The following SMCHD1 variants were observed in gnomAD, a reference collection of about 807,000 sequenced individuals.
The protein encoded by SMCHD1 is structural maintenance of chromosomes flexible hinge domain containing 1, also known as structural maintenance of chromosomes flexible hinge domain-containing protein 1.
SMCHD1 carries 78 observed loss-of-function variants against 254.7 expected under a neutral mutation model. The observed-to-expected ratio is 0.31, with a 90% confidence interval of 0.26 to 0.37. SMCHD1 has a LOEUF of 0.37. Ranked by LOEUF, SMCHD1 falls within the 10% of genes least tolerant of loss-of-function variation. SMCHD1 has a pLI of 1.00. For synonymous variants in SMCHD1, 766 were observed against 794.9 expected (o/e 0.96, Z 0.61); for missense variants, 1,840 against 2,408.1 (o/e 0.76, Z 4.94).
chr18:2,744,200 A>C (rs2075405307), intron 29 of SMCHD1, among the ~76,000 whole-genome samples: 2 of 152,192 alleles, frequency 1.3e-5, no homozygotes, highest in African/African-American at 4.8e-5. Flanking sequence ...TAAAAATAAA[A>C]AGAATAGTGT....
intron 35 of SMCHD1, among the ~76,000 whole-genome samples, chr18:2,761,036 A>T (rs938166630): frequency 6.6e-6 from 1 of 152,206 alleles, no homozygotes; most frequent in African/African-American, 2.4e-5. Flanking sequence ...AAAGTTGCTT[A>T]TATCAACCAT....
chr18:2,725,027 G>T (rs1200578960), intron 21 of SMCHD1, 32 bp downstream of exon 21: 6 of 1,218,350 alleles, frequency 4.9e-6, no homozygotes, highest in Non-Finnish European at 6.8e-6. Context: ...TATGATACTT[G>T]TTAAGTATTT....
Position 2,762,208 on chromosome 18 carries a change from T to TG in SMCHD1, c.4540dup (p.Val1514GlyfsTer7), listed in dbSNP as rs770920110. 4 of 1,611,880 alleles carry TG rather than the reference T, an allele frequency of 2.5e-6. No individual in the cohort carries two copies. The stretch of plus-strand genomic sequence containing the variant: ...GTTCGCTCAGTTGCCAGTAGGACCT[T>TG]GGTCAGAGATCTACATCTTAGTATC... On this transcript the variant is annotated frameshift_variant, in exon 36 of 48. Coordinates refer to ENST00000320876, the MANE Select transcript of SMCHD1 (RefSeq NM_015295.3). LOFTEE classifies it high-confidence loss of function.
rs2143748168 is a variant in SMCHD1, at chr18:2,771,610, A to G, written c.5044A>G (p.Thr1682Ala). The change falls in exon 40 of 48, where the codon ACA (threonine) becomes GCA (alanine). Residue 1682 changes from threonine (T) to alanine (A), a missense_variant. Around this residue, in one of 9 missense-constraint regions of SMCHD1, gnomAD observed 881 missense variants for 1,009.5 expected, o/e 0.87. Coordinates refer to ENST00000320876, the MANE Select transcript of SMCHD1 (RefSeq NM_015295.3). ...LKIHNIDIPT[T>A]QQVPHIEALL... is the part of the protein sequence containing the mutation. ...AATACATAATATTGACATTCCTACA[A>G]CACAACAGGTACAGCTTCCAACTAT... The G allele has an allele frequency of 6.4e-7, 1 of 1,560,328 alleles. No individual in the cohort carries two copies. Among genetic ancestry groups the G allele is most frequent in the Non-Finnish European group, 8.6e-7 (1 of 1,164,462 alleles).
intron 45 of SMCHD1, among the ~76,000 whole-genome samples, chr18:2,789,732 G>A (rs2076290543): frequency 6.6e-6 from 1 of 152,190 alleles, no homozygotes. Context: ...GTTATGATGG[G>A]TTTATTGGGA....
chr18:2,722,608 G>C lies in SMCHD1; in HGVS notation c.2548G>C (p.Glu850Gln). The change falls in exon 20 of 48, where the codon GAA (glutamate) becomes CAA (glutamine). Residue 850 changes from glutamate (E) to glutamine (Q), a missense_variant. Coordinates refer to ENST00000320876, the MANE Select transcript of SMCHD1 (RefSeq NM_015295.3). ...PFNIPLEFQDEFGHTSQLVTD... is the reference protein window; with the variant it reads ...PFNIPLEFQDQFGHTSQLVTD... ...TAATATCCCTCTGGAGTTTCAGGAT[G>C]AATTTGGTCATACCAGTCAACTAGT... is the stretch of plus-strand genomic sequence containing the variant. The C allele has an allele frequency of 1.2e-6, 2 of 1,613,328 alleles. No individual in the cohort carries two copies. Among genetic ancestry groups the C allele is most frequent in the Non-Finnish European group, 1.7e-6 (2 of 1,179,604 alleles).
chr18:2,705,852 A>G (rs2074501602), intron 14 of SMCHD1, 45 bp downstream of exon 14: 2 of 1,147,966 alleles, frequency 1.7e-6, no homozygotes, highest in East Asian at 4.8e-5. Flanking sequence ...TCTTGATAAC[A>G]CTTTTGCATA....
In SMCHD1 at chr18:2,788,910, T is replaced by C. The variant is rs182097326; in HGVS notation, c.5719+4289T>C. Among the ~76,000 whole-genome samples, 312 of 152,328 alleles carry C rather than the reference T, an allele frequency of 2.0e-3. 1 individual carries two copies. The highest frequency in any genetic ancestry group is 7.0e-3 in the African/African-American group (290 of 41,578). On this transcript the variant is annotated intron_variant, in intron 45 of 47. Coordinates refer to ENST00000320876, the MANE Select transcript of SMCHD1 (RefSeq NM_015295.3). The stretch of plus-strand genomic sequence containing the variant: ...CCTCCCCTGGCCAAATTAATATTCT[T>C]TTAATGTATAATTGATCTTCTAGGA...
rs1322934985 is a variant in SMCHD1, at chr18:2,784,344, A to G, written c.5548-106A>G. The G allele has an allele frequency of 4.1e-6, 4 of 967,568 alleles. No homozygotes were observed. In the East Asian group the frequency reaches 8.7e-5, roughly 21 times the overall value. The allele number at this position is 967,568 out of a possible 1,614,324, so 59.9% of individuals were successfully genotyped here. A position where few individuals can be genotyped will look rare whatever the true frequency, so the allele number is the denominator to read the frequency against. The stretch of plus-strand genomic sequence containing the variant: ...TAGTTACTAAGTTTTTGAAAATACT[A>G]CTGTGATCCTGTCATTTCTAATCTC... On this transcript the variant is annotated intron_variant, in intron 44 of 47. Transcript: ENST00000320876.
At chr18:2,770,197 C>A in intron 39 of SMCHD1, 89 bp downstream of exon 39, 1 of 1,331,498 alleles carries the variant, frequency 7.5e-7, no homozygotes, top group South Asian at 1.4e-5. Flanking sequence ...CTTCCACTTT[C>A]CTAAATTACA....
chr18:2,718,833 G>A lies in SMCHD1; in HGVS notation c.2458+399G>A, dbSNP rs1019157719. ...CTCCCAAAGTGCTGGGATTACAGATGTGAGCCACCGTGCCCGGCCCATTTT... is the reference window on the plus strand; with the variant it reads ...CTCCCAAAGTGCTGGGATTACAGATATGAGCCACCGTGCCCGGCCCATTTT... On this transcript the variant is annotated intron_variant, in intron 19 of 47. Transcript: ENST00000320876. The surrounding 1 kb of genome is among the most constrained non-coding windows in gnomAD (Gnocchi z 4.6). Among the ~76,000 whole-genome samples the A allele has an allele frequency of 6.6e-6, 1 of 152,146 alleles. No individual in the cohort carries two copies. The highest frequency in any genetic ancestry group is 2.4e-5 in the African/African-American group (1 of 41,426).
In SMCHD1 at chr18:2,655,973, G is replaced by C. The variant is rs545381764; in HGVS notation, c.-103G>C. The C allele has an allele frequency of 3.3e-3, 3,293 of 1,012,820 alleles. 6 individuals are homozygous for C. The highest frequency in any genetic ancestry group is 7.1e-3 in the Middle Eastern group (20 of 2,814). The allele number at this position is 1,012,820 out of a possible 1,614,324, so 62.7% of individuals were successfully genotyped here. A position where few individuals can be genotyped will look rare whatever the true frequency, so the allele number is the denominator to read the frequency against. Reference sequence around the variant, plus strand: ...CTGCAGCGCGCCGGGCCGAGGCCTCGAGCCGCCCCGGGAGCTGGAGCTGAA... The same window carrying C: ...CTGCAGCGCGCCGGGCCGAGGCCTCCAGCCGCCCCGGGAGCTGGAGCTGAA... On this transcript the variant is annotated 5_prime_UTR_variant, in exon 1 of 48. Coordinates refer to ENST00000320876, the MANE Select transcript of SMCHD1 (RefSeq NM_015295.3).
chr18:2,708,881 T>TGAAGTG (rs1396168219), intron 17 of SMCHD1, among the ~76,000 whole-genome samples: 1 of 63,422 alleles, frequency 1.6e-5, no homozygotes, highest in Non-Finnish European at 2.7e-5. Flanking sequence ...TATATATATA[T>TGAAGTG]ATATATATAT....
chr18:2,728,355 A>G, intron 22 of SMCHD1, 102 bp from the exon 23 acceptor site: 4 of 1,164,534 alleles, frequency 3.4e-6, no homozygotes, highest in Non-Finnish European at 4.8e-6. Context: ...GGCAATATTT[A>G]TAAAATATTA....
At chr18:2,720,515 A>G (rs1047866504) in intron 19 of SMCHD1, among the ~76,000 whole-genome samples, 6 of 152,162 alleles carry the variant, frequency 3.9e-5, no homozygotes, top group African/African-American at 1.4e-4. Flanking sequence ...ATTGAAGAAT[A>G]GGGCACTTGA....
Position 2,802,544 on chromosome 18 carries a change from G to A in SMCHD1, c.6010G>A (p.Asp2004Asn). ...TRQNRIITKT[D>N]V ...TTTGACCAGGATTATAACCAAAACA[G>A]ATGTATGAGAGGTGACAGAGAGAAG... Residue 2004 changes from aspartate to asparagine, a missense_variant, in exon 48 of 48, where the codon GAT becomes AAT. Physicochemically the swap from Asp to Asn is conservative, Grantham distance 23. Coordinates refer to ENST00000320876, the MANE Select transcript of SMCHD1 (RefSeq NM_015295.3). 6.4e-7 allele frequency: 1 copy of A among 1,553,740 alleles called. No homozygotes were observed. Among genetic ancestry groups the A allele is most frequent in the Non-Finnish European group, 8.7e-7 (1 of 1,148,108 alleles).
At chr18:2,688,839 G>C (rs1367962974) in intron 7 of SMCHD1, 92 bp downstream of exon 7, 2 of 794,610 alleles carry the variant, frequency 2.5e-6, no homozygotes, top group Non-Finnish European at 3.7e-6. Flanking sequence ...TTTTCAAAAT[G>C]AGTTACCCTT....
chr18:2,735,931 G>T lies in SMCHD1; in HGVS notation c.3277-2466G>T, dbSNP rs566960600. ...CTAAAATTCAGATGGAACTAAAAAAGAGCTCAAATAGCCAAAGTGATTAAT... is the reference window on the plus strand; with the variant it reads ...CTAAAATTCAGATGGAACTAAAAAATAGCTCAAATAGCCAAAGTGATTAAT... On this transcript the variant is annotated intron_variant, in intron 25 of 47. Transcript: ENST00000320876. Among the ~76,000 whole-genome samples, 4 of 152,200 alleles carry T rather than the reference G, an allele frequency of 2.6e-5. No individual in the cohort carries two copies. The South Asian group carries it at 8.3e-4, about 32-fold the overall frequency.
At chr18:2,736,161 G>A (rs1196511901) in intron 25 of SMCHD1, among the ~76,000 whole-genome samples, 2 of 152,174 alleles carry the variant, frequency 1.3e-5, no homozygotes, top group Non-Finnish European at 2.9e-5. Context: ...AATGGGAAAG[G>A]ACTCCCTATT....
Sources: allele counts gnomAD v4.1 joint callset (sites outside exome capture counted in the v4.1 genomes callset), GRCh38; gene constraint gnomAD v4.1.1; regional missense constraint gnomAD v4.1.1; non-coding constraint Gnocchi (gnomAD v3.1); transcripts MANE v1.5; gene names NCBI Gene and HGNC (gene_info 2026-07-23, HGNC 2026-07-21).